Variants in CYP26A1 observed in about 807,000 individuals in gnomAD.
The protein encoded by CYP26A1 is cytochrome P450 family 26 subfamily A member 1.
Under a neutral mutation model 47.4 loss-of-function variants are expected in CYP26A1, and 46 were observed. The observed-to-expected ratio is 0.97, with a 90% confidence interval of 0.77 to 1.24. The LOEUF (loss-of-function observed/expected upper bound fraction) is 1.24. CYP26A1 is among the 50% of genes most tolerant of loss of function. The pLI is 0.00. For synonymous variants in CYP26A1, 277 were observed against 263.7 expected, an observed-to-expected ratio of 1.05 and a Z score of -0.49; for missense variants, 680 against 644.4, an observed-to-expected ratio of 1.06 and a Z score of -0.60.
intron 5 of CYP26A1, 110 bp downstream of exon 5, chr10:93,076,070 G>T (rs1038993406): frequency 1.2e-6 from 1 of 845,496 alleles, no homozygotes; most frequent in Non-Finnish European, 1.9e-6. Flanking sequence ...TTTTGAAAGT[G>T]CAGGGCCCAG....
At position 93,077,033 on chromosome 10, in the gene CYP26A1, T is replaced by G; in HGVS notation, c.1223T>G (p.Phe408Cys). Residue 408 changes from phenylalanine (F) to cysteine (C), a missense_variant, in exon 7 of 7, where the codon TTC (phenylalanine) becomes TGC (cysteine). By Grantham distance (205) the Phe-to-Cys change is radical. Coordinates refer to ENST00000224356, the MANE Select transcript of CYP26A1 (RefSeq NM_000783.4). ...ICDTHDVAEI[F>C]TNKEEFNPDR... is the part of the protein sequence containing the mutation. ...GATACTCATGATGTGGCAGAGATCT[T>G]CACCAACAAGGAAGAATTTAATCCT... 6.2e-7 allele frequency: 1 copy of G among 1,613,424 alleles called. No homozygotes were observed. The highest frequency in any genetic ancestry group is 1.1e-5 in the South Asian group (1 of 91,004).
In CYP26A1 at chr10:93,073,931, C is replaced by A. The variant is rs374478271; in HGVS notation, c.-4C>A. The A allele has an allele frequency of 5.8e-5, 55 of 941,362 alleles. No homozygotes were observed. The highest frequency in any genetic ancestry group is 5.9e-4 in the Middle Eastern group (2 of 3,418). 58.3% of individuals were successfully genotyped at this position (941,362 alleles called of 1,614,324 possible). Reference sequence around the variant, plus strand: ...GCAGGTGGCGCGGGAGGTCGCGGCGCGCCATGGGGCTCCCGGCGCTGCTGG... The same window carrying A: ...GCAGGTGGCGCGGGAGGTCGCGGCGAGCCATGGGGCTCCCGGCGCTGCTGG... On this transcript the variant is annotated 5_prime_UTR_variant, in exon 1 of 7. Coordinates refer to ENST00000224356, the MANE Select transcript of CYP26A1 (RefSeq NM_000783.4).
intron 5 of CYP26A1, 200 bp from the exon 6 acceptor site, chr10:93,076,344 T>G: frequency 1.8e-6 from 1 of 548,564 alleles, no homozygotes; most frequent in Non-Finnish European, 3.2e-6. Context: ...TTCTAACTGG[T>G]GAGCAGCATT....
upstream of CYP26A1, chr10:93,073,562 C>T (rs369720016): frequency 4.7e-5 from 12 of 253,020 alleles, no homozygotes; most frequent in Admixed American, 5.8e-4. Flanking sequence ...AAGAGACCGC[C>T]GGGAAGGCTA....
rs1294567722 is a variant in CYP26A1, at chr10:93,077,536, C to T, written c.*232C>T. ...TAAGATTCCTGTTGGGTAAAACTCA[C>T]CAGTTTAGTATTTTCTTAGTGTATT... On this transcript the variant is annotated 3_prime_UTR_variant, in exon 7 of 7. Coordinates refer to ENST00000224356, the MANE Select transcript of CYP26A1 (RefSeq NM_000783.4). 2 of 297,208 alleles carry T rather than the reference C, an allele frequency of 6.7e-6. No homozygotes were observed. The highest frequency in any genetic ancestry group is 1.2e-4 in the East Asian group (2 of 17,330). 18.4% of individuals were successfully genotyped at this position (297,208 alleles called of 1,614,324 possible). A position where few individuals can be genotyped will look rare whatever the true frequency, so the allele number is the denominator to read the frequency against.
In CYP26A1 at chr10:93,077,390, C is replaced by T. The variant is rs973440708; in HGVS notation, c.*86C>T. 12 of 538,260 alleles carry T rather than the reference C, an allele frequency of 2.2e-5. No individual in the cohort carries two copies. The African/African-American group carries it at 2.3e-4, about 10-fold the overall frequency. The allele number at this position is 538,260 out of a possible 1,614,324, so 33.3% of individuals were successfully genotyped here. On this transcript the variant is annotated 3_prime_UTR_variant, in exon 7 of 7. Transcript: ENST00000224356. Reference sequence around the variant, plus strand: ...GTTGTGTTGACTTTATATTTAATTTCTAAATGTATATTATAATATTTATGT... The same window carrying T: ...GTTGTGTTGACTTTATATTTAATTTTTAAATGTATATTATAATATTTATGT...
At position 93,075,002 on chromosome 10, in the gene CYP26A1, C is replaced by G. The variant is rs762998559; in HGVS notation, c.638C>G (p.Ala213Gly). ...DGDSEQQLVE[A>G]FEEMTRNLFS... is the part of the protein sequence containing the mutation. The stretch of plus-strand genomic sequence containing the variant: ...GACTCCGAGCAGCAGCTTGTGGAGG[C>G]CTTCGAGGAAATGACCCGCAATCTC... The change falls in exon 3 of 7, where the codon GCC becomes GGC. Residue 213 changes from alanine (A) to glycine (G), a missense_variant. Transcript: ENST00000224356. 11 of 1,613,068 alleles carry G rather than the reference C, an allele frequency of 6.8e-6. No individual in the cohort carries two copies. The East Asian group carries it at 2.2e-4, about 33-fold the overall frequency.
In CYP26A1 at chr10:93,076,423, C is replaced by T. The variant is rs774847520; in HGVS notation, c.1000-121C>T. On this transcript the variant is annotated intron_variant, in intron 5 of 6. Transcript: ENST00000224356. ...GCCATTAGCTGCTGTTTCCCCCTCC[C>T]AGTCTCTCCCATCATGGGGCCCTTT... is the stretch of plus-strand genomic sequence containing the variant. 5.2e-5 allele frequency: 34 copies of T among 658,002 alleles called. No individual in the cohort carries two copies. In the Admixed American group the frequency reaches 9.1e-4, roughly 18 times the overall value. The allele number at this position is 658,002 out of a possible 1,614,324, so 40.8% of individuals were successfully genotyped here.
At position 93,074,274 on chromosome 10, in the gene CYP26A1, A is replaced by G. The variant is rs1267360643; in HGVS notation, c.190-34A>G. ...GCGCGGCGCTCCCCGGCGCCCCCTC[A>G]TGCCCACTTCTCTCCTCCGCCTTCC... On this transcript the variant is annotated intron_variant, in intron 1 of 6. Coordinates refer to ENST00000224356, the MANE Select transcript of CYP26A1 (RefSeq NM_000783.4). This position sits in a 1 kb window ranked among gnomAD's most constrained non-coding sequence, Gnocchi z 5.3. 2.0e-6 allele frequency: 3 copies of G among 1,534,676 alleles called. No individual in the cohort carries two copies. Among genetic ancestry groups the G allele is most frequent in the Non-Finnish European group, 2.7e-6 (3 of 1,111,636 alleles).
rs1427628103 is a variant in CYP26A1, at chr10:93,075,814, C to A, written c.865-12C>A. ...CAGACTTGTGAGAATGTGGGTCTCA[C>A]TCTATTCTTAGGCACTAAAGCAATC... On this transcript the variant is annotated splice_polypyrimidine_tract_variant and intron_variant, in intron 4 of 6. Transcript: ENST00000224356. 6.2e-7 allele frequency: 1 copy of A among 1,607,704 alleles called. No individual in the cohort carries two copies. The highest frequency in any genetic ancestry group is 1.1e-5 in the South Asian group (1 of 90,920).
At chr10:93,076,499 T>G in intron 5 of CYP26A1, 45 bp from the exon 6 acceptor site, 2 of 1,436,234 alleles carry the variant, frequency 1.4e-6, no homozygotes, top group Non-Finnish European at 1.9e-6. Flanking sequence ...CTGATTTTAT[T>G]GGAGCACAAA....
intron 4 of CYP26A1, chr10:93,075,517 T>C: frequency 1.6e-6 from 1 of 607,424 alleles, no homozygotes; most frequent in Non-Finnish European, 2.9e-6. Context: ...GAGCATCCCC[T>C]AGCCTTTCCA....
Position 93,073,895 on chromosome 10 carries a change from T to A in CYP26A1, c.-40T>A. On this transcript the variant is annotated 5_prime_UTR_variant, in exon 1 of 7. Transcript: ENST00000224356. ...GGCAGCGCCGTGGGGTTTGAAGCGCTGGCGGCGGCGGCAGGTGGCGCGGGA... is the reference window on the plus strand; with the variant it reads ...GGCAGCGCCGTGGGGTTTGAAGCGCAGGCGGCGGCGGCAGGTGGCGCGGGA... The A allele has an allele frequency of 1.4e-6, 1 of 721,716 alleles. No homozygotes were observed. The highest frequency in any genetic ancestry group is 1.6e-5 in the South Asian group (1 of 64,144). The allele number at this position is 721,716 out of a possible 1,614,324, so 44.7% of individuals were successfully genotyped here.
In CYP26A1 at chr10:93,075,490, G is replaced by C. The variant is rs1010363644; in HGVS notation, c.864+183G>C. 1.7e-5 allele frequency: 11 copies of C among 634,100 alleles called. No individual in the cohort carries two copies. In the Admixed American group the frequency reaches 3.2e-4, roughly 19 times the overall value. The allele number at this position is 634,100 out of a possible 1,614,324, so 39.3% of individuals were successfully genotyped here. On this transcript the variant is annotated intron_variant, in intron 4 of 6. Transcript: ENST00000224356. Reference sequence around the variant, plus strand: ...ACCCGGTCAGGAGAGCTGCGGAAGGGGCTGCGGCGGAACTGGGAGCATCCC... The same window carrying C: ...ACCCGGTCAGGAGAGCTGCGGAAGGCGCTGCGGCGGAACTGGGAGCATCCC...
intron 5 of CYP26A1, among the ~76,000 whole-genome samples, 185 bp downstream of exon 5, chr10:93,076,145 G>A (rs949704716): frequency 6.6e-6 from 1 of 152,192 alleles, no homozygotes; most frequent in Non-Finnish European, 1.5e-5. Context: ...TGAGCTGTGA[G>A]CCCACTTGGG....
At position 93,074,832 on chromosome 10, in the gene CYP26A1, C is replaced by A. The variant is rs1168129901; in HGVS notation, c.468C>A (p.Ile156=). 1 of 1,611,202 alleles carries A rather than the reference C, an allele frequency of 6.2e-7. No homozygotes were observed. Among genetic ancestry groups the A allele is most frequent in the Non-Finnish European group, 8.5e-7 (1 of 1,179,894 alleles). The change falls in exon 3 of 7, where the codon ATC becomes ATA. Residue 156 remains isoleucine, a synonymous_variant. Transcript: ENST00000224356. The surrounding 1 kb of genome is among the most constrained non-coding windows in gnomAD (Gnocchi z 5.3). ...REALECYVPV[I]TEEVGSSLEQ... is the part of the protein sequence containing the mutation. Reference sequence around the variant, plus strand: ...CACTCGAATGCTACGTGCCGGTGATCACCGAGGAAGTGGGCAGCAGCCTGG... The same window carrying A: ...CACTCGAATGCTACGTGCCGGTGATAACCGAGGAAGTGGGCAGCAGCCTGG...
chr10:93,075,599 T>TTTA, intron 4 of CYP26A1: 1 of 588,658 alleles, frequency 1.7e-6, no homozygotes. Flanking sequence ...AAACTAAGAC[T>TTTA]TTAACTCAGG....
In CYP26A1 at chr10:93,077,006, G is replaced by C; in HGVS notation, c.1196G>C (p.Cys399Ser). The change falls in exon 7 of 7, where the codon TGT (cysteine) becomes TCT (serine). Residue 399 changes from cysteine to serine, a missense_variant. Physicochemically the swap from Cys to Ser is moderately radical, Grantham distance 112. Transcript: ENST00000224356. ...PKGWNVIYSI[C>S]DTHDVAEIFT... ...GGCTGGAATGTTATCTACAGTATCTGTGATACTCATGATGTGGCAGAGATC... is the reference window on the plus strand; with the variant it reads ...GGCTGGAATGTTATCTACAGTATCTCTGATACTCATGATGTGGCAGAGATC... 1.2e-6 allele frequency: 2 copies of C among 1,611,698 alleles called. No homozygotes were observed. Among genetic ancestry groups the C allele is most frequent in the Non-Finnish European group, 1.7e-6 (2 of 1,178,096 alleles).
In CYP26A1 at chr10:93,077,126, T is replaced by G; in HGVS notation, c.1316T>G (p.Leu439Arg). ...AGCTTCATTCCATTTGGAGGAGGCCTTAGGAGCTGTGTAGGCAAAGAATTT... is the reference window on the plus strand; with the variant it reads ...AGCTTCATTCCATTTGGAGGAGGCCGTAGGAGCTGTGTAGGCAAAGAATTT... ...RFSFIPFGGG[L>R]RSCVGKEFAK... is the part of the protein sequence containing the mutation. The change falls in exon 7 of 7, where the codon CTT becomes CGT. Residue 439 changes from leucine to arginine, a missense_variant. Coordinates refer to ENST00000224356, the MANE Select transcript of CYP26A1 (RefSeq NM_000783.4). The G allele has an allele frequency of 1.2e-6, 2 of 1,614,218 alleles. No individual in the cohort carries two copies. The highest frequency in any genetic ancestry group is 8.5e-7 in the Non-Finnish European group (1 of 1,180,008).
Sources: gnomAD v4.1 joint callset for allele counts (sites outside exome capture counted in the v4.1 genomes callset) on GRCh38, gnomAD v4.1.1 for gene constraint, Gnocchi (gnomAD v3.1) non-coding constraint, MANE v1.5 for transcripts, NCBI Gene and HGNC (gene_info 2026-07-23, HGNC 2026-07-21) for gene names.